The following TNKS1BP1 variants were observed in gnomAD, a reference collection of about 807,000 sequenced individuals.
The protein encoded by TNKS1BP1 is 182 kDa tankyrase-1-binding protein.
A neutral mutation model predicts 141.1 loss-of-function variants in TNKS1BP1; 48 were observed. The observed-to-expected ratio is 0.34, with a 90% CI of 0.27 to 0.43. The LOEUF is 0.43. Ranked by LOEUF, TNKS1BP1 falls within the 20% of genes least tolerant of loss-of-function variation. The pLI, the probability that TNKS1BP1 is intolerant of heterozygous loss-of-function variation, is 1.00. For missense variants in TNKS1BP1, 2,149 were observed against 2,226.0 expected (o/e 0.97, Z 0.70); for synonymous variants, 875 against 898.2 (o/e 0.97, Z 0.46).
At position 57,320,153 on chromosome 11, in the gene TNKS1BP1, C is replaced by A; in HGVS notation, c.654G>T (p.Arg218Ser). ...PRDEDGSTLF[R>S]GWSQEGPVKS... The stretch of plus-strand genomic sequence containing the variant: ...TTACTGGCCCCTCCTGGGACCATCC[C>A]CTGAAGAGGGTGCTGCCATCCTCAT... The change falls in exon 3 of 12, where the codon AGG becomes AGT. Residue 218 changes from arginine (R) to serine (S), a missense_variant. Coordinates refer to ENST00000358252, the MANE Select transcript of TNKS1BP1 (RefSeq NM_033396.3). 1 of 1,614,202 alleles carries A rather than the reference C, an allele frequency of 6.2e-7. No homozygotes were observed. The highest frequency in any genetic ancestry group is 8.5e-7 in the Non-Finnish European group (1 of 1,180,028).
In TNKS1BP1 at chr11:57,313,237, G is replaced by A; in HGVS notation, c.1451C>T (p.Pro484Leu). 1 of 1,612,872 alleles carries A rather than the reference G, an allele frequency of 6.2e-7. No homozygotes were observed. Residue 484 changes from proline (P) to leucine (L), a missense_variant, in exon 5 of 12, where the codon CCC becomes CTC. Coordinates refer to ENST00000358252, the MANE Select transcript of TNKS1BP1 (RefSeq NM_033396.3). Reference protein sequence around the residue: ...QSFEWTFPTRPSGLGVWRLDS... With the variant: ...QSFEWTFPTRLSGLGVWRLDS... ...CAGCCGCCACACGCCCAGACCCGAG[G>A]GCCTCGTGGGGAAGGTCCATTCGAA... is the stretch of plus-strand genomic sequence containing the variant.
In TNKS1BP1 at chr11:57,317,848, A is replaced by AG; in HGVS notation, c.767dup (p.Lys257Ter). 1 of 1,614,096 alleles carries AG rather than the reference A, an allele frequency of 6.2e-7. No individual in the cohort carries two copies. The highest frequency in any genetic ancestry group is 8.5e-7 in the Non-Finnish European group (1 of 1,179,954). On this transcript the variant is annotated frameshift_variant, in exon 4 of 12. Coordinates refer to ENST00000358252, the MANE Select transcript of TNKS1BP1 (RefSeq NM_033396.3). LOFTEE classifies it high-confidence loss of function. ...CAGGTAGCTCCGAGCTGGCTGCCTT[A>AG]GCCAGGTCCCCGTTGAAGGCCAGGT... is the stretch of plus-strand genomic sequence containing the variant.
chr11:57,318,934 G>A (rs1855838260), intron 3 of TNKS1BP1, among the ~76,000 whole-genome samples: 2 of 152,130 alleles, frequency 1.3e-5, no homozygotes, highest in Admixed American at 6.5e-5. Context: ...CACGAGGTCA[G>A]GAGATCGAGA....
chr11:57,319,824 A>C (rs1565046527), intron 3 of TNKS1BP1, among the ~76,000 whole-genome samples: 1 of 152,028 alleles, frequency 6.6e-6, no homozygotes, highest in African/African-American at 2.4e-5. Context: ...GTACATTTGA[A>C]CTCTCTAACA....
chr11:57,312,919 T>A lies in TNKS1BP1; in HGVS notation c.1769A>T (p.Tyr590Phe). Reference protein sequence around the residue: ...GLPLQQAEERYESQEPLAGQE... With the variant: ...GLPLQQAEERFESQEPLAGQE... ...TCCAGCCAAGGGCTCCTGCGACTCG[T>A]ATCTCTCCTCTGCCTGCTGCAAAGG... is the stretch of plus-strand genomic sequence containing the variant. The change falls in exon 5 of 12, where the codon TAC (tyrosine) becomes TTC (phenylalanine). Residue 590 changes from tyrosine to phenylalanine, a missense_variant. By Grantham distance (22) the Tyr-to-Phe change is conservative. Transcript: ENST00000358252. 1 of 1,612,274 alleles carries A rather than the reference T, an allele frequency of 6.2e-7. No homozygotes were observed.
rs544885274 is a variant in TNKS1BP1 at position 57,323,849 on chromosome 11, C to A, written c.-66+991G>T. Among the ~76,000 whole-genome samples, 23 of 152,276 alleles carry A rather than the reference C, an allele frequency of 1.5e-4. 1 individual carries two copies. The highest frequency in any genetic ancestry group is 5.3e-4 in the African/African-American group (22 of 41,556). On this transcript the variant is annotated intron_variant, in intron 1 of 11. Transcript: ENST00000358252. ...GAGATGGAAATTAATTGGCTCAGAA[C>A]CAAAAAAATCCTTTCACCTGGGGTT...
In TNKS1BP1 at chr11:57,308,915, C is replaced by T. The variant is rs753229529; in HGVS notation, c.3796G>A (p.Gly1266Arg). Residue 1266 changes from glycine (G) to arginine (R), a missense_variant, in exon 6 of 12, where the codon GGA becomes AGA. Gly to Arg is a moderately radical substitution (Grantham distance 125). Transcript: ENST00000358252. Reference sequence around the variant, plus strand: ...CGCTCCCTTGATTTAAGGAACTCTCCGGCCTCCACACCTGACCAGTCAGTC... The same window carrying T: ...CGCTCCCTTGATTTAAGGAACTCTCTGGCCTCCACACCTGACCAGTCAGTC... Reference protein sequence around the residue: ...GQTDWSGVEAGEFLKSRERGV... With the variant: ...GQTDWSGVEAREFLKSRERGV... 1.9e-5 allele frequency: 30 copies of T among 1,613,908 alleles called. No homozygotes were observed. The highest frequency in any genetic ancestry group is 1.6e-4 in the Middle Eastern group (1 of 6,062).
At chr11:57,311,954 C>T (rs1285194364) in intron 5 of TNKS1BP1, among the ~76,000 whole-genome samples, 1 of 152,216 alleles carries the variant, frequency 6.6e-6, no homozygotes, top group Non-Finnish European at 1.5e-5. Context: ...GCACTTTAGA[C>T]ATTACAGCTC....
chr11:57,310,462 T>C lies in TNKS1BP1; in HGVS notation c.2249A>G (p.Gln750Arg). Reference sequence around the variant, plus strand: ...AAGGCCATAGTCCTGAGAAGCACCTTGACACCAGCTGGAAGGACTGAAACT... The same window carrying C: ...AAGGCCATAGTCCTGAGAAGCACCTCGACACCAGCTGGAAGGACTGAAACT... ...PSSFSPSSWC[Q>R]GASQDYGLGG... Residue 750 changes from glutamine (Q) to arginine (R), a missense_variant, in exon 6 of 12, where the codon CAA becomes CGA. By Grantham distance (43) the Gln-to-Arg change is conservative. Coordinates refer to ENST00000358252, the MANE Select transcript of TNKS1BP1 (RefSeq NM_033396.3). The C allele has an allele frequency of 2.5e-6, 4 of 1,613,366 alleles. No individual in the cohort carries two copies. Among genetic ancestry groups the C allele is most frequent in the Non-Finnish European group, 3.4e-6 (4 of 1,180,026 alleles).
At position 57,313,007 on chromosome 11, in the gene TNKS1BP1, G is replaced by C; in HGVS notation, c.1681C>G (p.Gln561Glu). ...AGGGGAACAGCTGGGAATTGAGGTT[G>C]ACTCTCCCCATCGCCCTTCTGGGTG... ...SLTQKGDGES[Q>E]PQFPAVPLEP... Residue 561 changes from glutamine to glutamate, a missense_variant, in exon 5 of 12, where the codon CAA becomes GAA. Coordinates refer to ENST00000358252, the MANE Select transcript of TNKS1BP1 (RefSeq NM_033396.3). 6.2e-7 allele frequency: 1 copy of C among 1,613,920 alleles called. No individual in the cohort carries two copies.
intron 4 of TNKS1BP1, 102 bp from the exon 5 acceptor site, chr11:57,313,991 T>C: frequency 7.6e-7 from 1 of 1,313,004 alleles, no homozygotes; most frequent in South Asian, 2.1e-5. Flanking sequence ...TCTCCCAGGC[T>C]GGGAGGAGGC....
chr11:57,310,045 C>T lies in TNKS1BP1; in HGVS notation c.2666G>A (p.Gly889Glu). 1.2e-6 allele frequency: 2 copies of T among 1,614,194 alleles called. No homozygotes were observed. Among genetic ancestry groups the T allele is most frequent in the South Asian group, 1.1e-5 (1 of 91,080 alleles). Residue 889 changes from glycine (G) to glutamate (E), a missense_variant, in exon 6 of 12, where the codon GGG becomes GAG. By Grantham distance (98) the Gly-to-Glu change is moderately conservative (BLOSUM62 -2). Transcript: ENST00000358252. ...ATAAGCACCCAGAGAATCTCTCTTC[C>T]CAAATTCCCAGTCCCCAAGGCTTAC... is the stretch of plus-strand genomic sequence containing the variant. ...RDVSLGDWEF[G>E]KRDSLGAYAS...
intron 4 of TNKS1BP1, among the ~76,000 whole-genome samples, chr11:57,317,235 G>T (rs142473513): frequency 3.3e-4 from 50 of 152,332 alleles, no homozygotes; most frequent in African/African-American, 1.2e-3. Flanking sequence ...TCTCCAGCTA[G>T]CAAGGGCTGT....
chr11:57,307,919 C>A (rs1484865761), intron 6 of TNKS1BP1, among the ~76,000 whole-genome samples: 1 of 152,192 alleles, frequency 6.6e-6, no homozygotes, highest in Non-Finnish European at 1.5e-5. Context: ...GCACCAAGTA[C>A]CTAACCTCTT....
rs998206404 is a variant in TNKS1BP1, at chr11:57,312,804, G to A, written c.1884C>T (p.Asp628=). Residue 628 remains aspartate (D), a synonymous_variant, in exon 5 of 12, where the codon GAC becomes GAT. Transcript: ENST00000358252. ...VLGQEQPAAP[D]QPCVLFADAP... is the part of the protein sequence containing the mutation. ...CATCAGCAAAGAGAACACAGGGCTG[G>A]TCAGGGGCTGCTGGCTGCTCCTGCC... 11 of 1,612,078 alleles carry A rather than the reference G, an allele frequency of 6.8e-6. No individual in the cohort carries two copies. Among genetic ancestry groups the A allele is most frequent in the Non-Finnish European group, 9.3e-6 (11 of 1,179,032 alleles).
chr11:57,302,654 C>T lies in TNKS1BP1; in HGVS notation c.4488G>A (p.Val1496=), dbSNP rs1169878951. ...GTGGAGAGTCCCTGCCAGGCTCCAG[C>T]ACCTCCTCTTGGGCAGCACCTGCCC... is the stretch of plus-strand genomic sequence containing the variant. ...GAGAGAAQEE[V]LEPGRDSPPS... is the part of the protein sequence containing the mutation. The change falls in exon 7 of 12, where the codon GTG becomes GTA. Residue 1496 remains valine, a synonymous_variant. Coordinates refer to ENST00000358252, the MANE Select transcript of TNKS1BP1 (RefSeq NM_033396.3). The surrounding 1 kb of genome is among the most constrained non-coding windows in gnomAD (Gnocchi z 5.5). The T allele has an allele frequency of 1.2e-6, 2 of 1,610,218 alleles. No individual in the cohort carries two copies. The highest frequency in any genetic ancestry group is 2.7e-5 in the African/African-American group (2 of 75,010).
At chr11:57,315,995 C>T (rs1378210090) in intron 4 of TNKS1BP1, among the ~76,000 whole-genome samples, 4 of 152,186 alleles carry the variant, frequency 2.6e-5, no homozygotes, top group African/African-American at 9.7e-5. Context: ...CCACATCACT[C>T]ACTAGCTACC....
chr11:57,322,946 C>G (rs1025165972), intron 1 of TNKS1BP1, among the ~76,000 whole-genome samples: 2 of 152,206 alleles, frequency 1.3e-5, no homozygotes, highest in Non-Finnish European at 2.9e-5. Flanking sequence ...AGAAGCCTGT[C>G]ACATGAGCTT....
chr11:57,310,950 G>A (rs924909082), intron 5 of TNKS1BP1, among the ~76,000 whole-genome samples: 1 of 152,160 alleles, frequency 6.6e-6, no homozygotes, highest in African/African-American at 2.4e-5. Context: ...GATTAGGAGA[G>A]GTCAAGATTC....
Sources: allele counts gnomAD v4.1 joint callset (sites outside exome capture counted in the v4.1 genomes callset), GRCh38; gene constraint gnomAD v4.1.1; non-coding constraint Gnocchi (gnomAD v3.1); transcripts MANE v1.5; gene names NCBI Gene and HGNC (gene_info 2026-07-23, HGNC 2026-07-21).